Variants in BAZ1A observed in about 807,000 individuals in gnomAD.
The protein encoded by BAZ1A is bromodomain adjacent to zinc finger domain protein 1A.
In BAZ1A, 50 loss-of-function variants were observed where a neutral mutation model predicts 185.2. The ratio of observed to expected loss-of-function variants is 0.27; its 90% CI spans 0.22 to 0.34. The LOEUF is 0.34. Ranked by LOEUF, BAZ1A falls within the 10% of genes least tolerant of loss-of-function variation. The pLI is 1.00. For missense variants in BAZ1A, 1,356 were observed against 1,839.9 expected (o/e 0.74, Z 4.81); for synonymous variants, 571 against 615.6 (o/e 0.93, Z 1.07).
At chr14:34,765,335 T>C (rs564495112) in intron 21 of BAZ1A, 67 bp from the exon 22 acceptor site, 1 of 1,554,838 alleles carries the variant, frequency 6.4e-7, no homozygotes, top group Non-Finnish European at 8.7e-7. Flanking sequence ...AGAAATAGTT[T>C]GTTGGTAGTT....
rs1247987584 is a variant in BAZ1A, at chr14:34,874,735, G to A, written c.-58-73C>T. The A allele has an allele frequency of 7.8e-6, 5 of 643,622 alleles. No homozygotes were observed. The highest frequency in any genetic ancestry group is 1.3e-5 in the Non-Finnish European group (5 of 394,578). 39.9% of individuals were successfully genotyped at this position (643,622 alleles called of 1,614,324 possible). On this transcript the variant is annotated intron_variant, in intron 1 of 26. Coordinates refer to ENST00000360310, the MANE Select transcript of BAZ1A (RefSeq NM_013448.3). The surrounding 1 kb of genome is among the most constrained non-coding windows in gnomAD (Gnocchi z 4.7). ...GGCGGCAGCGTGGGCCGGTCCGCGC[G>A]CTGGGAGAAGCTCGGCTGCCTTTTG... is the stretch of plus-strand genomic sequence containing the variant.
At chr14:34,835,725 G>A (rs959502346) in intron 3 of BAZ1A, among the ~76,000 whole-genome samples, 3 of 150,206 alleles carry the variant, frequency 2.0e-5, no homozygotes, top group Non-Finnish European at 4.4e-5. Flanking sequence ...AGGCTGGAGT[G>A]CAATGGCGTG....
At chr14:34,823,563 G>T (rs1349267056) in intron 4 of BAZ1A, among the ~76,000 whole-genome samples, 1 of 151,856 alleles carries the variant, frequency 6.6e-6, no homozygotes, top group Non-Finnish European at 1.5e-5. Context: ...GAGGGGCTGA[G>T]GCAGGAGAAT....
At chr14:34,808,851 A>G (rs1008056145) in intron 5 of BAZ1A, among the ~76,000 whole-genome samples, 1 of 152,208 alleles carries the variant, frequency 6.6e-6, no homozygotes, top group African/African-American at 2.4e-5. Flanking sequence ...TGAGTTCAAT[A>G]TATTCCTTTC....
Position 34,837,700 on chromosome 14 carries a change from G to A in BAZ1A, c.393-11544C>T, listed in dbSNP as rs1038010718. Reference sequence around the variant, plus strand: ...AGCCTTATTAATTAGTGTGGCTGCAGAATCAACCAAATTAATTAAAACTAC... The same window carrying A: ...AGCCTTATTAATTAGTGTGGCTGCAAAATCAACCAAATTAATTAAAACTAC... On this transcript the variant is annotated intron_variant, in intron 3 of 26. Transcript: ENST00000360310. 2.6e-5 allele frequency among the ~76,000 whole-genome samples: 4 copies of A among 152,104 alleles called. No individual in the cohort carries two copies. In the South Asian group the frequency reaches 6.2e-4, roughly 24 times the overall value.
intron 4 of BAZ1A, among the ~76,000 whole-genome samples, chr14:34,812,550 A>T (rs1422865034): frequency 6.6e-6 from 1 of 152,212 alleles, no homozygotes; most frequent in Non-Finnish European, 1.5e-5. Context: ...AAGAGTGTAA[A>T]CAGGAATACC....
intron 4 of BAZ1A, among the ~76,000 whole-genome samples, chr14:34,812,739 G>A (rs1040539548): frequency 3.6e-4 from 55 of 152,296 alleles, no homozygotes; most frequent in African/African-American, 1.3e-3. Context: ...CATTGGCAAT[G>A]AGAATAAGAT....
rs1230760101 is a variant in BAZ1A at position 34,776,528 on chromosome 14, T to C, written c.2237-13A>G. The C allele has an allele frequency of 6.5e-7, 1 of 1,549,470 alleles. No individual in the cohort carries two copies. The highest frequency in any genetic ancestry group is 1.2e-5 in the South Asian group (1 of 81,716). ...TGTCCTCTTTTCCCTGTAATTAAAA[T>C]AAAATGTTTCATCATCATCATATTT... On this transcript the variant is annotated splice_polypyrimidine_tract_variant and intron_variant, in intron 17 of 26. Transcript: ENST00000360310.
intron 3 of BAZ1A, among the ~76,000 whole-genome samples, chr14:34,827,725 ACT>A (rs1476804504): frequency 2.6e-5 from 3 of 116,840 alleles, no homozygotes; most frequent in South Asian, 3.3e-4. Context: ...ACAAAGCAAG[ACT>A]CTGTCTCAAA....
intron 23 of BAZ1A, among the ~76,000 whole-genome samples, chr14:34,764,452 T>G (rs1878682925): frequency 6.6e-6 from 1 of 151,794 alleles, no homozygotes; most frequent in African/African-American, 2.4e-5. Flanking sequence ...ACCAACACCT[T>G]GGCTAATTTT....
chr14:34,753,179 AAAAATCATC>A lies in BAZ1A; in HGVS notation c.*320_*328del, dbSNP rs1427515482. The A allele has an allele frequency of 3.0e-5, 7 of 230,336 alleles. No homozygotes were observed. In the East Asian group the frequency reaches 6.9e-4, roughly 23 times the overall value. The allele number at this position is 230,336 out of a possible 1,614,324, so 14.3% of individuals were successfully genotyped here. On this transcript the variant is annotated 3_prime_UTR_variant, in exon 27 of 27. Coordinates refer to ENST00000360310, the MANE Select transcript of BAZ1A (RefSeq NM_013448.3). Reference sequence around the variant, plus strand: ...CTCCCTTAATACCACCACTTTAAAAAAAAATCATCAATAACAAAATAAATCGTGGGTGAA... The same window carrying A: ...CTCCCTTAATACCACCACTTTAAAAAAATAACAAAATAAATCGTGGGTGAA...
intron 3 of BAZ1A, among the ~76,000 whole-genome samples, chr14:34,851,669 GAGAACAAGGC>G (rs1184071298): frequency 6.6e-6 from 1 of 151,978 alleles, no homozygotes; most frequent in African/African-American, 2.4e-5. Context: ...AAAAGACAAT[GAGAACAAGGC>G]ACAGTGGCCC....
intron 6 of BAZ1A, among the ~76,000 whole-genome samples, chr14:34,806,940 G>T (rs893721148): frequency 6.6e-6 from 1 of 151,200 alleles, no homozygotes; most frequent in African/African-American, 2.4e-5. Flanking sequence ...TGTAGATACA[G>T]GGTTTGCCAT....
intron 23 of BAZ1A, among the ~76,000 whole-genome samples, chr14:34,764,280 T>C (rs995875634): frequency 7.6e-6 from 1 of 132,396 alleles, no homozygotes; most frequent in African/African-American, 3.0e-5. Flanking sequence ...TTAGTTTCTT[T>C]TTTCTTTTCT....
At chr14:34,755,901 A>C (rs1277843900) in intron 25 of BAZ1A, among the ~76,000 whole-genome samples, 2 of 149,900 alleles carry the variant, frequency 1.3e-5, no homozygotes, top group African/African-American at 4.9e-5. Context: ...GCTCATTGCA[A>C]CCTCCACCTT....
chr14:34,786,101 A>C (rs1594837656), intron 13 of BAZ1A, 25 bp downstream of exon 13: 3 of 1,574,796 alleles, frequency 1.9e-6, no homozygotes, highest in Non-Finnish European at 1.7e-6. Flanking sequence ...AAGCCAAACA[A>C]AAAAAAAACA....
intron 6 of BAZ1A, 115 bp from the exon 7 acceptor site, chr14:34,803,103 G>A: frequency 8.9e-7 from 1 of 1,127,614 alleles, no homozygotes; most frequent in South Asian, 1.5e-5. Flanking sequence ...AGGATAGGCT[G>A]GGCACAGTGG....
At chr14:34,855,334 C>T (rs1188606237) in intron 3 of BAZ1A, among the ~76,000 whole-genome samples, 3 of 152,130 alleles carry the variant, frequency 2.0e-5, no homozygotes, top group Non-Finnish European at 4.4e-5. Flanking sequence ...CAAGCTGCAA[C>T]CAATCTGGCT....
intron 3 of BAZ1A, among the ~76,000 whole-genome samples, chr14:34,855,465 T>C (rs956935183): frequency 6.6e-6 from 1 of 152,254 alleles, no homozygotes; most frequent in Non-Finnish European, 1.5e-5. Context: ...GGGGGCTGCC[T>C]GATTTGCTAA....
Sources: gnomAD v4.1 joint callset for allele counts (sites outside exome capture counted in the v4.1 genomes callset) on GRCh38, gnomAD v4.1.1 for gene constraint, Gnocchi (gnomAD v3.1) non-coding constraint, MANE v1.5 for transcripts, NCBI Gene and HGNC (gene_info 2026-07-23, HGNC 2026-07-21) for gene names.